The following DPY19L1 variants were observed in gnomAD, a reference collection of about 807,000 sequenced individuals.
DPY19L1 encodes the protein protein C-mannosyl-transferase DPY19L1.
DPY19L1 carries 35 observed loss-of-function variants against 96.9 expected under a neutral mutation model. The ratio of observed to expected loss-of-function variants is 0.36; its 90% confidence interval spans 0.28 to 0.48. The LOEUF is 0.48. DPY19L1 is among the 20% of genes least tolerant of loss of function. The probability of loss-of-function intolerance (pLI) is 0.99; values close to 1 mark genes in which losing one functional copy is unlikely to be tolerated. For synonymous variants in DPY19L1, 205 were observed against 252.6 expected, an observed-to-expected ratio of 0.81 and a Z score of 1.79; for missense variants, 521 against 777.9, an observed-to-expected ratio of 0.67 and a Z score of 3.93.
intron 1 of DPY19L1, among the ~76,000 whole-genome samples, chr7:35,024,935 A>G (rs550515686): frequency 6.6e-6 from 1 of 152,352 alleles, no homozygotes; most frequent in South Asian, 2.1e-4. Flanking sequence ...TTACATTACT[A>G]TTAACTACAA....
chr7:34,983,500 A>G (rs544731719), intron 7 of DPY19L1, among the ~76,000 whole-genome samples: 22 of 143,818 alleles, frequency 1.5e-4, no homozygotes, highest in Non-Finnish European at 2.7e-4. Flanking sequence ...AGAAAGGGAA[A>G]GAGAGGAAGG....
chr7:34,976,806 A>G (rs1486606995), intron 7 of DPY19L1, among the ~76,000 whole-genome samples: 3 of 152,144 alleles, frequency 2.0e-5, no homozygotes, highest in Non-Finnish European at 4.4e-5. Flanking sequence ...GCATTTTGAG[A>G]TGGAGTTCAT....
chr7:34,987,633 A>G (rs937434474), intron 7 of DPY19L1, among the ~76,000 whole-genome samples: 11 of 152,116 alleles, frequency 7.2e-5, no homozygotes, highest in Admixed American at 5.9e-4. Context: ...CTCTCCTAAG[A>G]AAGTAAGGTA....
chr7:34,953,506 A>G (rs1270424228), intron 13 of DPY19L1, among the ~76,000 whole-genome samples: 1 of 152,082 alleles, frequency 6.6e-6, no homozygotes, highest in African/African-American at 2.4e-5. Flanking sequence ...TCATCCTCAG[A>G]GCTGACTTCC....
At chr7:34,967,296 A>G (rs1475984809) in intron 9 of DPY19L1, among the ~76,000 whole-genome samples, 1 of 152,220 alleles carries the variant, frequency 6.6e-6, no homozygotes, top group Non-Finnish European at 1.5e-5. Flanking sequence ...ATCAAAAAAG[A>G]TGAAAATGTA....
chr7:34,936,072 T>C (rs1783861739), intron 21 of DPY19L1, among the ~76,000 whole-genome samples: 1 of 152,162 alleles, frequency 6.6e-6, no homozygotes, highest in South Asian at 2.1e-4. Flanking sequence ...ACACAATAAA[T>C]GGCAAGTCAA....
intron 1 of DPY19L1, among the ~76,000 whole-genome samples, chr7:35,023,195 C>T (rs573827450): frequency 6.6e-6 from 1 of 152,306 alleles, no homozygotes; most frequent in African/African-American, 2.4e-5. Flanking sequence ...ACCCGGGCCC[C>T]CACCTGCTCT....
intron 5 of DPY19L1, 63 bp downstream of exon 5, chr7:35,011,267 T>C (rs1253243215): frequency 6.4e-6 from 10 of 1,559,200 alleles, no homozygotes; most frequent in East Asian, 2.2e-5. Context: ...GTAAGTTTAT[T>C]ATGCTAGATA....
chr7:34,963,697 CGTGT>C (rs145986243), intron 10 of DPY19L1, among the ~76,000 whole-genome samples: 1 of 150,280 alleles, frequency 6.7e-6, no homozygotes, highest in African/African-American at 2.5e-5. Flanking sequence ...TAAGCAGAAT[CGTGT>C]GTGTGTGTGC....
intron 6 of DPY19L1, among the ~76,000 whole-genome samples, chr7:35,003,450 A>G (rs1785478724): frequency 2.0e-5 from 3 of 152,222 alleles, no homozygotes. Flanking sequence ...TCTGTATTTT[A>G]TCTTGGCTCC....
Position 34,929,280 on chromosome 7 carries a change from A to G in DPY19L1, c.*2293T>C, listed in dbSNP as rs1783699577. 6.6e-6 allele frequency: 1 copy of G among 152,234 alleles called. No individual in the cohort carries two copies. Among genetic ancestry groups the G allele is most frequent in the African/African-American group, 2.4e-5 (1 of 41,464 alleles). The allele number at this position is 152,234 out of a possible 1,614,324, so 9.4% of individuals were successfully genotyped here. ...TTGCCATCAAAGGTGTGGATGCTCC[A>G]CAGTGCTTGGGCTGCGAGCTGTGGC... On this transcript the variant is annotated 3_prime_UTR_variant, in exon 22 of 22. Transcript: ENST00000638088.
intron 10 of DPY19L1, among the ~76,000 whole-genome samples, chr7:34,963,714 G>A (rs996092169): frequency 6.7e-6 from 1 of 150,268 alleles, no homozygotes; most frequent in African/African-American, 2.5e-5. Context: ...GTGTGTGCGT[G>A]TGTGTGTGTG....
chr7:34,978,948 C>T (rs1328678963), intron 7 of DPY19L1, among the ~76,000 whole-genome samples: 1 of 152,060 alleles, frequency 6.6e-6, no homozygotes, highest in Admixed American at 6.5e-5. Context: ...TAACCAGTTA[C>T]ATATTTCAAT....
chr7:35,012,533 C>T (rs1178935549), intron 4 of DPY19L1, among the ~76,000 whole-genome samples: 2 of 152,094 alleles, frequency 1.3e-5, no homozygotes, highest in African/African-American at 4.8e-5. Flanking sequence ...AGAGGATGGA[C>T]ACCTCATCAG....
At chr7:34,998,922 T>C (rs1785359546) in intron 6 of DPY19L1, among the ~76,000 whole-genome samples, 1 of 151,954 alleles carries the variant, frequency 6.6e-6, no homozygotes, top group Non-Finnish European at 1.5e-5. Context: ...AAGTTGGAAA[T>C]CTAACAGAAA....
chr7:34,950,493 T>C (rs191221143), intron 13 of DPY19L1, among the ~76,000 whole-genome samples: 16 of 152,232 alleles, frequency 1.1e-4, no homozygotes, highest in African/African-American at 1.7e-4. Context: ...ACTTTATAAA[T>C]AAGAAAACTA....
intron 17 of DPY19L1, 22 bp from the exon 18 acceptor site, chr7:34,941,906 T>C (rs1418237247): frequency 5.1e-6 from 8 of 1,563,372 alleles, no homozygotes; most frequent in Admixed American, 2.1e-5. Context: ...AAGAAAATGT[T>C]TTTTACTCCT....
At chr7:35,003,049 C>G (rs569570971) in intron 6 of DPY19L1, among the ~76,000 whole-genome samples, 8 of 152,152 alleles carry the variant, frequency 5.3e-5, no homozygotes, top group African/African-American at 1.9e-4. Context: ...GGATTACAGG[C>G]GTGAGCCACC....
intron 16 of DPY19L1, 147 bp from the exon 17 acceptor site, chr7:34,942,786 C>T (rs945519790): frequency 4.8e-5 from 31 of 649,788 alleles, no homozygotes; most frequent in South Asian, 6.7e-5. Context: ...AACTAAAAGT[C>T]ACATGCCAAA....
Sources: allele counts gnomAD v4.1 joint callset (sites outside exome capture counted in the v4.1 genomes callset), GRCh38; gene constraint gnomAD v4.1.1; transcripts MANE v1.5; gene names NCBI Gene and HGNC (gene_info 2026-07-23, HGNC 2026-07-21).